TBCE: variants seen among roughly 807,000 people sequenced by gnomAD.
TBCE encodes tubulin-specific chaperone E.
TBCE carries 53 observed loss-of-function variants against 77.0 expected under a neutral mutation model. The ratio of observed to expected loss-of-function variants is 0.69; its 90% CI spans 0.55 to 0.87. The LOEUF (loss-of-function observed/expected upper bound fraction) is 0.87, where lower values mean the gene tolerates loss of function less well. Ranked by LOEUF, TBCE falls within the 40% of genes least tolerant of loss-of-function variation. The pLI is 0.00. For missense variants in TBCE, 624 were observed against 622.4 expected, an observed-to-expected ratio of 1.00 and a Z score of -0.03; for synonymous variants, 235 against 241.3, an observed-to-expected ratio of 0.97 and a Z score of 0.24.
chr1:235,378,820 C>T (rs1227667558), intron 1 of TBCE, among the ~76,000 whole-genome samples: 1 of 152,094 alleles, frequency 6.6e-6, no homozygotes, highest in Non-Finnish European at 1.5e-5. Context: ...GAGATCGTGC[C>T]ACTGCACTCC....
At chr1:235,437,853 T>A (rs370437824) in intron 12 of TBCE, among the ~76,000 whole-genome samples, 20 of 151,920 alleles carry the variant, frequency 1.3e-4, no homozygotes, top group African/African-American at 4.6e-4. Flanking sequence ...AAAAAAATTA[T>A]TTTTGAATAT....
chr1:235,425,476 G>A (rs1376732701), intron 5 of TBCE, among the ~76,000 whole-genome samples: 1 of 152,096 alleles, frequency 6.6e-6, no homozygotes, highest in Non-Finnish European at 1.5e-5. Context: ...ACTTTTACTG[G>A]ATTTTTTTGT....
At position 235,449,175 on chromosome 1, in the gene TBCE, G is replaced by C; in HGVS notation, c.*413G>C. On this transcript the variant is annotated 3_prime_UTR_variant, in exon 17 of 17. Coordinates refer to ENST00000642610, the MANE Select transcript of TBCE (RefSeq NM_003193.5). ...GAAATGATTTGGTTGGTCATTTTGG[G>C]AAATGTCCCTTAAACTTGGGGAGAC... 4.0e-6 allele frequency: 1 copy of C among 247,382 alleles called. No individual in the cohort carries two copies. The highest frequency in any genetic ancestry group is 7.9e-6 in the Non-Finnish European group (1 of 125,954). 15.3% of individuals were successfully genotyped at this position (247,382 alleles called of 1,614,324 possible). A position where few individuals can be genotyped will look rare whatever the true frequency, so the allele number is the denominator to read the frequency against.
At chr1:235,446,187 T>G (rs1682263998) in intron 15 of TBCE, among the ~76,000 whole-genome samples, 1 of 152,060 alleles carries the variant, frequency 6.6e-6, no homozygotes, top group South Asian at 2.1e-4. Flanking sequence ...TACATCCTTT[T>G]TTTTTTGAGA....
chr1:235,393,783 A>G (rs1305210584), intron 2 of TBCE, among the ~76,000 whole-genome samples: 1 of 152,102 alleles, frequency 6.6e-6, no homozygotes, highest in African/African-American at 2.4e-5. Flanking sequence ...TACAGAGCAA[A>G]TAGATATATA....
At chr1:235,411,722 G>T (rs1004586019) in intron 3 of TBCE, among the ~76,000 whole-genome samples, 5 of 152,164 alleles carry the variant, frequency 3.3e-5, no homozygotes, top group Non-Finnish European at 7.3e-5. Context: ...CCATGAGAGA[G>T]ATATGGGACT....
intron 3 of TBCE, among the ~76,000 whole-genome samples, chr1:235,409,242 T>C (rs1000944490): frequency 2.0e-5 from 3 of 152,072 alleles, no homozygotes; most frequent in African/African-American, 7.2e-5. Flanking sequence ...GCATGTGTAA[T>C]TGGTAGGCAG....
chr1:235,385,801 C>T (rs1033713452), intron 2 of TBCE, among the ~76,000 whole-genome samples: 2 of 152,122 alleles, frequency 1.3e-5, no homozygotes, highest in Non-Finnish European at 2.9e-5. Flanking sequence ...TTAATTGGAG[C>T]ATTTAGTCCA....
chr1:235,447,267 G>T (rs549390162), intron 15 of TBCE, among the ~76,000 whole-genome samples: 8 of 152,212 alleles, frequency 5.3e-5, no homozygotes, highest in Admixed American at 5.2e-4. Context: ...AAAACACACA[G>T]CTTTTACAAA....
rs1681039641 is a variant in TBCE, at chr1:235,430,773, T to C, written c.629T>C (p.Val210Ala). Residue 210 changes from valine (V) to alanine (A), a missense_variant, in exon 7 of 17, where the codon GTC becomes GCC. By Grantham distance (64) the Val-to-Ala change is moderately conservative (BLOSUM62 0). Transcript: ENST00000642610. Reference protein sequence around the residue: ...TGTLSVLKVLVLNQTGITWAE... With the variant: ...TGTLSVLKVLALNQTGITWAE... Reference sequence around the variant, plus strand: ...ACGCTTTCTGTACTGAAGGTTTTAGTCCTCAATCAAACAGGAATAACGTGG... The same window carrying C: ...ACGCTTTCTGTACTGAAGGTTTTAGCCCTCAATCAAACAGGAATAACGTGG... 7 of 1,613,702 alleles carry C rather than the reference T, an allele frequency of 4.3e-6. No homozygotes were observed. The highest frequency in any genetic ancestry group is 1.6e-4 in the Middle Eastern group (1 of 6,078).
chr1:235,380,300 T>A, intron 2 of TBCE, 151 bp downstream of exon 2: 1 of 690,490 alleles, frequency 1.4e-6, no homozygotes, highest in South Asian at 1.7e-5. Flanking sequence ...TATAGGTGCC[T>A]CCTGTATCCA....
intron 13 of TBCE, among the ~76,000 whole-genome samples, chr1:235,439,993 C>T (rs568240012): frequency 8.6e-5 from 13 of 151,472 alleles, no homozygotes; most frequent in South Asian, 6.3e-4. Flanking sequence ...TTTTTTGAGA[C>T]GGAGCCTCGC....
chr1:235,435,312 G>T (rs1183382297), intron 8 of TBCE, among the ~76,000 whole-genome samples: 1 of 152,054 alleles, frequency 6.6e-6, no homozygotes. Flanking sequence ...TGTTGGCCCG[G>T]CTGGTCTTGA....
chr1:235,441,703 G>A, intron 13 of TBCE, 111 bp from the exon 14 acceptor site: 2 of 973,342 alleles, frequency 2.1e-6, no homozygotes, highest in South Asian at 2.8e-5. Flanking sequence ...TGTGTCCTGG[G>A]AAAGGCACAG....
chr1:235,376,519 G>T (rs1677307806), intron 1 of TBCE, among the ~76,000 whole-genome samples: 1 of 152,164 alleles, frequency 6.6e-6, no homozygotes, highest in South Asian at 2.1e-4. Flanking sequence ...TCTTGTAGGA[G>T]TGGAGTTCTG....
intron 13 of TBCE, among the ~76,000 whole-genome samples, chr1:235,440,213 A>G (rs570055830): frequency 8.9e-4 from 136 of 151,976 alleles, no homozygotes; most frequent in South Asian, 2.9e-3. Context: ...CTTGTGATCC[A>G]CCCACCTTGG....
At chr1:235,429,027 C>T (rs1250872500) in intron 6 of TBCE, 3 of 122,928 alleles carry the variant, frequency 2.4e-5, no homozygotes, top group Non-Finnish European at 4.9e-5. Context: ...TCACTCTTGT[C>T]GCCCAGGCTG....
chr1:235,371,013 T>G (rs1029095571), intron 1 of TBCE, among the ~76,000 whole-genome samples: 3 of 143,074 alleles, frequency 2.1e-5, no homozygotes, highest in African/African-American at 7.7e-5. Context: ...GTGCTGGGAT[T>G]ACAGGTGTGA....
At chr1:235,412,146 C>CAT (rs1679823366) in intron 3 of TBCE, among the ~76,000 whole-genome samples, 5 of 3,500 alleles carry the variant, frequency 1.4e-3, no homozygotes, top group African/African-American at 5.0e-3. Flanking sequence ...CTCCCCTTCC[C>CAT]CTCCCCTCCC....
Sources: gnomAD v4.1 joint callset for allele counts (sites outside exome capture counted in the v4.1 genomes callset) on GRCh38, gnomAD v4.1.1 for gene constraint, MANE v1.5 for transcripts, NCBI Gene and HGNC (gene_info 2026-07-23, HGNC 2026-07-21) for gene names.